ARNT2: variants seen among roughly 807,000 people sequenced by gnomAD.
ARNT2 encodes the protein ARNT protein 2.
ARNT2 carries 36 observed loss-of-function variants against 91.7 expected under a neutral mutation model. The observed-to-expected ratio is 0.39, with a 90% CI of 0.30 to 0.52. ARNT2 has a LOEUF of 0.52. Among genes scored for constraint, ARNT2 ranks in the 20% least tolerant of loss-of-function variants. The probability of loss-of-function intolerance (pLI) is 0.72; values close to 1 mark genes in which losing one functional copy is unlikely to be tolerated. For synonymous variants in ARNT2, 365 were observed against 347.1 expected (o/e 1.05, Z -0.57); for missense variants, 775 against 939.3 (o/e 0.83, Z 2.29).
intron 5 of ARNT2, among the ~76,000 whole-genome samples, chr15:80,481,097 GT>G (rs35915507): frequency 0.05 from 7,653 of 152,260 alleles, 352 homozygotes; most frequent in East Asian, 0.14. Flanking sequence ...TGGCTGGAAA[GT>G]TCCTGTGCAT....
intron 1 of ARNT2, among the ~76,000 whole-genome samples, chr15:80,414,186 A>C (rs991006774): frequency 2.0e-5 from 3 of 152,250 alleles, no homozygotes; most frequent in African/African-American, 7.2e-5. Context: ...AGTGCTTCTC[A>C]ACTGGGGGCA....
intron 8 of ARNT2, among the ~76,000 whole-genome samples, chr15:80,550,674 C>G (rs1466551120): frequency 2.6e-5 from 4 of 152,214 alleles, no homozygotes; most frequent in African/African-American, 4.8e-5. Context: ...TTAGCATAAC[C>G]ATCACCAGTG....
chr15:80,566,091 C>T (rs1200268897), intron 12 of ARNT2, among the ~76,000 whole-genome samples: 1 of 152,184 alleles, frequency 6.6e-6, no homozygotes, highest in African/African-American at 2.4e-5. Context: ...CAGGCAGAGT[C>T]GGCCCCGGTA....
chr15:80,463,504 A>T (rs1896592631), intron 3 of ARNT2, among the ~76,000 whole-genome samples: 1 of 151,698 alleles, frequency 6.6e-6, no homozygotes, highest in Non-Finnish European at 1.5e-5. Context: ...TAGGGTTAGC[A>T]CACACTGGAA....
chr15:80,415,211 A>G (rs1334507422), intron 1 of ARNT2, among the ~76,000 whole-genome samples: 1 of 152,228 alleles, frequency 6.6e-6, no homozygotes, highest in African/African-American at 2.4e-5. Flanking sequence ...CCGCTCCCAC[A>G]TATTTCCTCC....
intron 1 of ARNT2, among the ~76,000 whole-genome samples, chr15:80,428,283 G>A (rs1327595564): frequency 6.6e-6 from 1 of 152,240 alleles, no homozygotes; most frequent in East Asian, 1.9e-4. Flanking sequence ...ATATTCATAT[G>A]TCCATTGCAA....
rs57536307 is a variant in ARNT2 at position 80,518,313 on chromosome 15, G to A, written c.877+3908G>A. ...TTTTTTTTTTTTGAGATGGAGTCTCGCACTGTCACCAGGCTGGAGTGCAGT... is the reference window on the plus strand; with the variant it reads ...TTTTTTTTTTTTGAGATGGAGTCTCACACTGTCACCAGGCTGGAGTGCAGT... On this transcript the variant is annotated intron_variant, in intron 8 of 18. Transcript: ENST00000303329. 5.4e-3 allele frequency among the ~76,000 whole-genome samples: 604 copies of A among 110,968 alleles called. 5 individuals carry two copies. Among genetic ancestry groups the A allele is most frequent in the African/African-American group, 0.02 (570 of 28,136 alleles). The allele number at this position is 110,968 out of a possible 152,430, so 72.8% of individuals were successfully genotyped here. A position where few individuals can be genotyped will look rare whatever the true frequency, so the allele number is the denominator to read the frequency against.
At chr15:80,515,917 T>G (rs1465329987) in intron 8 of ARNT2, among the ~76,000 whole-genome samples, 2 of 150,744 alleles carry the variant, frequency 1.3e-5, no homozygotes, top group Non-Finnish European at 3.0e-5. Context: ...TTACCCAGGC[T>G]GGAGTGCAAA....
chr15:80,510,144 C>T (rs911690152), intron 6 of ARNT2, among the ~76,000 whole-genome samples: 3 of 152,114 alleles, frequency 2.0e-5, no homozygotes, highest in Admixed American at 1.3e-4. Flanking sequence ...GTGTATTTCA[C>T]AGACGGAGCC....
intron 1 of ARNT2, among the ~76,000 whole-genome samples, chr15:80,448,993 CAAAA>C (rs1196510872): frequency 6.6e-6 from 1 of 152,040 alleles, no homozygotes; most frequent in Non-Finnish European, 1.5e-5. Flanking sequence ...TCAAAAAAAA[CAAAA>C]CAAAACAAAA....
At chr15:80,503,178 C>T (rs1051988419) in intron 5 of ARNT2, among the ~76,000 whole-genome samples, 13 of 152,162 alleles carry the variant, frequency 8.5e-5, no homozygotes, top group African/African-American at 1.2e-4. Context: ...TACTGGGAGC[C>T]GGTAGTAAGC....
chr15:80,418,926 G>A (rs1282572677), intron 1 of ARNT2, among the ~76,000 whole-genome samples: 3 of 152,050 alleles, frequency 2.0e-5, no homozygotes, highest in African/African-American at 7.2e-5. Flanking sequence ...CATTCCTCAC[G>A]GTGCTTAGGT....
chr15:80,541,391 C>G (rs1167411540), intron 8 of ARNT2, among the ~76,000 whole-genome samples: 2 of 151,960 alleles, frequency 1.3e-5, no homozygotes, highest in African/African-American at 4.8e-5. Context: ...GGTCTTAGAC[C>G]TTTTTTAGTT....
At chr15:80,590,237 G>A (rs181836800) in intron 17 of ARNT2, among the ~76,000 whole-genome samples, 7 of 152,172 alleles carry the variant, frequency 4.6e-5, no homozygotes, top group Admixed American at 1.3e-4. Flanking sequence ...TTGCCACCCA[G>A]AGCTTGACAG....
At chr15:80,442,343 C>G (rs1171828796) in intron 1 of ARNT2, among the ~76,000 whole-genome samples, 1 of 152,214 alleles carries the variant, frequency 6.6e-6, no homozygotes, top group East Asian at 1.9e-4. Context: ...ATCTTCCCAG[C>G]CTTCCCCACC....
intron 2 of ARNT2, among the ~76,000 whole-genome samples, chr15:80,453,657 C>T (rs1896436988): frequency 6.6e-6 from 1 of 152,192 alleles, no homozygotes; most frequent in South Asian, 2.1e-4. Flanking sequence ...GCAGGTAACC[C>T]CATGGCAGGC....
At chr15:80,526,159 C>T (rs141156418) in intron 8 of ARNT2, among the ~76,000 whole-genome samples, 7 of 152,286 alleles carry the variant, frequency 4.6e-5, no homozygotes, top group Middle Eastern at 3.4e-3. Flanking sequence ...TACACAGTGG[C>T]CTTCTTAATT....
At chr15:80,514,451 A>C in intron 8 of ARNT2, 46 bp downstream of exon 8, 1 of 1,520,264 alleles carries the variant, frequency 6.6e-7, no homozygotes, top group East Asian at 2.3e-5. Context: ...GGTGCTGCTC[A>C]TACCTGACCA....
intron 1 of ARNT2, among the ~76,000 whole-genome samples, chr15:80,425,580 A>T (rs1295279462): frequency 6.6e-6 from 1 of 151,896 alleles, no homozygotes; most frequent in Non-Finnish European, 1.5e-5. Flanking sequence ...TTTTGTTTTT[A>T]TTTTTTCCAA....
Sources: gnomAD v4.1 joint callset for allele counts (sites outside exome capture counted in the v4.1 genomes callset) on GRCh38, gnomAD v4.1.1 for gene constraint, MANE v1.5 for transcripts, NCBI Gene and HGNC (gene_info 2026-07-23, HGNC 2026-07-21) for gene names.